The following MTMR7 variants were observed in gnomAD, a reference collection of about 807,000 sequenced individuals.
MTMR7 encodes myotubularin related protein 7.
In MTMR7, 76 loss-of-function variants were observed where a neutral mutation model predicts 81.2. The ratio of observed to expected loss-of-function variants is 0.94; its 90% CI spans 0.78 to 1.13. The LOEUF is 1.13. Ranked by LOEUF, MTMR7 falls within the 50% of genes most tolerant of loss-of-function variation. The probability of loss-of-function intolerance (pLI) is 0.00; values close to 1 mark genes in which losing one functional copy is unlikely to be tolerated. For missense variants in MTMR7, 1,044 were observed against 820.0 expected, an observed-to-expected ratio of 1.27 and a Z score of -3.34; for synonymous variants, 372 against 289.8, an observed-to-expected ratio of 1.28 and a Z score of -2.88.
chr8:17,368,045 G>T (rs896305971), intron 3 of MTMR7, among the ~76,000 whole-genome samples: 1 of 152,074 alleles, frequency 6.6e-6, no homozygotes, highest in Non-Finnish European at 1.5e-5. Flanking sequence ...TTCGGTACCA[G>T]GGACCAGCTT....
chr8:17,397,745 T>C (rs797002689), intron 1 of MTMR7, among the ~76,000 whole-genome samples: 6 of 152,172 alleles, frequency 3.9e-5, no homozygotes, highest in African/African-American at 1.4e-4. Flanking sequence ...AGCCAGGTAG[T>C]GGTTACAGTG....
At chr8:17,381,572 G>A (rs1163516111) in intron 1 of MTMR7, among the ~76,000 whole-genome samples, 2 of 152,132 alleles carry the variant, frequency 1.3e-5, no homozygotes, top group East Asian at 1.9e-4. Context: ...GCAGGGCCGG[G>A]GTGCCAGTCA....
chr8:17,300,367 G>A, intron 13 of MTMR7, 143 bp from the exon 14 acceptor site: 1 of 886,894 alleles, frequency 1.1e-6, no homozygotes, highest in Non-Finnish European at 1.7e-6. Flanking sequence ...TTCAAACCTG[G>A]ACTTCACGAC....
Position 17,403,790 on chromosome 8 carries a change from T to C in MTMR7, c.24+9479A>G, listed in dbSNP as rs189964505. 6.0e-3 allele frequency among the ~76,000 whole-genome samples: 908 copies of C among 152,276 alleles called. 3 individuals are homozygous for C. The highest frequency in any genetic ancestry group is 8.8e-3 in the Non-Finnish European group (599 of 68,016). ...TTGCCTTTTATAGATCTTTTACTTC[T>C]TAGGTTAAATTGTTTCCTAGGTATT... On this transcript the variant is annotated intron_variant, in intron 1 of 13. Coordinates refer to ENST00000180173, the MANE Select transcript of MTMR7 (RefSeq NM_004686.5).
At chr8:17,388,636 T>A (rs998800726) in intron 1 of MTMR7, among the ~76,000 whole-genome samples, 1 of 152,228 alleles carries the variant, frequency 6.6e-6, no homozygotes, top group African/African-American at 2.4e-5. Flanking sequence ...CGAAACCATC[T>A]ACTTATATAG....
intron 1 of MTMR7, among the ~76,000 whole-genome samples, chr8:17,379,877 G>A (rs1299096771): frequency 1.3e-5 from 2 of 152,090 alleles, no homozygotes; most frequent in Admixed American, 6.5e-5. Flanking sequence ...AATCTAAACT[G>A]TCTGAAGGCA....
chr8:17,404,569 A>G (rs1382536695), intron 1 of MTMR7, among the ~76,000 whole-genome samples: 1 of 152,176 alleles, frequency 6.6e-6, no homozygotes, highest in Non-Finnish European at 1.5e-5. Flanking sequence ...ACAAACATAA[A>G]TTGATGAGAA....
intron 1 of MTMR7, among the ~76,000 whole-genome samples, chr8:17,408,052 G>C (rs536323533): frequency 6.6e-6 from 1 of 152,162 alleles, no homozygotes; most frequent in African/African-American, 2.4e-5. Context: ...TTATTTAATG[G>C]ACCTTTGTAT....
At chr8:17,321,635 C>T (rs377339536) in intron 7 of MTMR7, among the ~76,000 whole-genome samples, 10 of 152,258 alleles carry the variant, frequency 6.6e-5, no homozygotes, top group African/African-American at 2.4e-4. Flanking sequence ...TGGATAAACT[C>T]AGGATAAGGC....
At chr8:17,402,079 G>C (rs969190168) in intron 1 of MTMR7, among the ~76,000 whole-genome samples, 1 of 151,962 alleles carries the variant, frequency 6.6e-6, no homozygotes, top group African/African-American at 2.4e-5. Context: ...TAAAATTCTG[G>C]AAAATTATTT....
intron 6 of MTMR7, among the ~76,000 whole-genome samples, chr8:17,334,960 G>A (rs954750984): frequency 1.3e-5 from 2 of 152,160 alleles, no homozygotes; most frequent in African/African-American, 2.4e-5. Context: ...AGGTGAAGAC[G>A]AAGGTTCCTG....
In MTMR7 at chr8:17,298,098, C is replaced by G. The variant is rs921708716; in HGVS notation, c.*1764G>C. The G allele has an allele frequency of 6.6e-6, 1 of 151,820 alleles. No homozygotes were observed. Among genetic ancestry groups the G allele is most frequent in the South Asian group, 2.1e-4 (1 of 4,818 alleles). 9.4% of individuals were successfully genotyped at this position (151,820 alleles called of 1,614,324 possible). A position where few individuals can be genotyped will look rare whatever the true frequency, so the allele number is the denominator to read the frequency against. ...ACTGTCAAACGGAAGAAATTAAAGC[C>G]ACATCCTCAATATTAGGCAACAGAG... On this transcript the variant is annotated 3_prime_UTR_variant, in exon 14 of 14. Transcript: ENST00000180173.
intron 1 of MTMR7, among the ~76,000 whole-genome samples, chr8:17,396,405 T>C (rs1244787267): frequency 2.6e-5 from 4 of 152,194 alleles, no homozygotes; most frequent in Admixed American, 2.0e-4. Context: ...AGATTCTTTC[T>C]CCTACGTGGA....
intron 1 of MTMR7, among the ~76,000 whole-genome samples, chr8:17,375,859 C>G (rs1334815713): frequency 6.6e-6 from 1 of 152,144 alleles, no homozygotes; most frequent in Non-Finnish European, 1.5e-5. Flanking sequence ...ATGGAGACTA[C>G]AGTCACTCTT....
At chr8:17,348,471 AC>A (rs1819628986) in intron 5 of MTMR7, among the ~76,000 whole-genome samples, 1 of 150,260 alleles carries the variant, frequency 6.7e-6, no homozygotes, top group Non-Finnish European at 1.5e-5. Context: ...AATTGCTTGA[AC>A]CTGGGAGGCA....
At position 17,305,843 on chromosome 8, in the gene MTMR7, C is replaced by T; in HGVS notation, c.1266G>A (p.Arg422=). 6.2e-7 allele frequency: 1 copy of T among 1,613,638 alleles called. No individual in the cohort carries two copies. Among genetic ancestry groups the T allele is most frequent in the Non-Finnish European group, 8.5e-7 (1 of 1,179,660 alleles). Residue 422 remains arginine (R), a synonymous_variant, in exon 11 of 14, where the codon AGG becomes AGA. Coordinates refer to ENST00000180173, the MANE Select transcript of MTMR7 (RefSeq NM_004686.5). The part of the protein sequence containing the change: ...QFPCAFEFNE[R]FLIHIQHHIY... The stretch of plus-strand genomic sequence containing the variant: ...TGTGATGTTGAATGTGAATCAAAAA[C>T]CTCTCATTGAACTCAAAGGCACAGG...
In MTMR7 at chr8:17,343,041, G is replaced by A. The variant is rs140767866; in HGVS notation, c.598-1544C>T. 1.3e-4 allele frequency among the ~76,000 whole-genome samples: 20 copies of A among 152,252 alleles called. 1 individual carries two copies. In the East Asian group the frequency reaches 3.9e-3, roughly 29 times the overall value. On this transcript the variant is annotated intron_variant, in intron 5 of 13. Coordinates refer to ENST00000180173, the MANE Select transcript of MTMR7 (RefSeq NM_004686.5). The stretch of plus-strand genomic sequence containing the variant: ...GGGTCCTGTTTCCTTTAATCTTTAA[G>A]GGGTCAGGGTCTGCCACCTGCTCAG...
intron 1 of MTMR7, among the ~76,000 whole-genome samples, chr8:17,375,968 C>G: frequency 6.6e-6 from 1 of 152,162 alleles, no homozygotes; most frequent in Non-Finnish European, 1.5e-5. Context: ...GTTTTTAGCA[C>G]ATTCACAACA....
chr8:17,381,333 T>C (rs538190308), intron 1 of MTMR7, among the ~76,000 whole-genome samples: 7 of 152,276 alleles, frequency 4.6e-5, no homozygotes, highest in African/African-American at 1.7e-4. Context: ...AGGTCCTCCT[T>C]GGCCTTCCCT....
Sources: gnomAD v4.1 joint callset for allele counts (sites outside exome capture counted in the v4.1 genomes callset) on GRCh38, gnomAD v4.1.1 for gene constraint, MANE v1.5 for transcripts, NCBI Gene and HGNC (gene_info 2026-07-23, HGNC 2026-07-21) for gene names.